YIF1B: variants seen among roughly 807,000 people sequenced by gnomAD.
YIF1B encodes Yip1 interacting factor homolog B, membrane trafficking protein, also known as protein YIF1B.
YIF1B carries 24 observed loss-of-function variants against 34.6 expected under a neutral mutation model. The ratio of observed to expected loss-of-function variants is 0.69; its 90% CI spans 0.50 to 0.98. The LOEUF is 0.98. Ranked by LOEUF, YIF1B falls within the 50% of genes least tolerant of loss-of-function variation. The pLI, the probability that YIF1B is intolerant of heterozygous loss-of-function variation, is 0.00. For synonymous variants in YIF1B, 186 were observed against 184.8 expected, an observed-to-expected ratio of 1.01 and a Z score of -0.05; for missense variants, 368 against 429.4, an observed-to-expected ratio of 0.86 and a Z score of 1.26.
rs1218461246 is a variant in YIF1B at position 38,305,077 on chromosome 19, G to A, written c.*275C>T. 4.0e-6 allele frequency: 6 copies of A among 1,506,302 alleles called. No homozygotes were observed. Among genetic ancestry groups the A allele is most frequent in the East Asian group, 4.9e-5 (2 of 40,490 alleles). 93.3% of individuals were successfully genotyped at this position (1,506,302 alleles called of 1,614,324 possible). A position where few individuals can be genotyped will look rare whatever the true frequency, so the allele number is the denominator to read the frequency against. On this transcript the variant is annotated 3_prime_UTR_variant, in exon 8 of 8. Transcript: ENST00000339413. ...CTGCCCCCTGCCCAGCGCTGGGCCC[G>A]CCCATTCGTGCGCGAGGCCAAGGAG...
chr19:38,316,405 C>T (rs1451471707), upstream of YIF1B, among the ~76,000 whole-genome samples: 2 of 151,878 alleles, frequency 1.3e-5, no homozygotes, highest in Non-Finnish European at 2.9e-5. Flanking sequence ...CCTGTAATCT[C>T]AGCACTTTGG....
In YIF1B at chr19:38,305,156, G is replaced by A; in HGVS notation, c.*196C>T. On this transcript the variant is annotated 3_prime_UTR_variant, in exon 8 of 8. Transcript: ENST00000339413. Reference sequence around the variant, plus strand: ...TTATTGTTTCTGTAACAGCGGCCACGCCCTGGGGCGGTGGCCTGTGCAGCT... The same window carrying A: ...TTATTGTTTCTGTAACAGCGGCCACACCCTGGGGCGGTGGCCTGTGCAGCT... The A allele has an allele frequency of 1.4e-6, 2 of 1,382,328 alleles. No individual in the cohort carries two copies. Among genetic ancestry groups the A allele is most frequent in the South Asian group, 1.5e-5 (1 of 66,750 alleles). The allele number at this position is 1,382,328 out of a possible 1,614,324, so 85.6% of individuals were successfully genotyped here.
At chr19:38,307,403 C>T (rs754093428) in intron 7 of YIF1B, 25 bp downstream of exon 7, 1 of 1,612,694 alleles carries the variant, frequency 6.2e-7, no homozygotes, top group Non-Finnish European at 8.5e-7. Context: ...GTGCCTCAGC[C>T]TCACCAGCCC....
chr19:38,315,201 C>A (rs572463954), intron 1 of YIF1B, among the ~76,000 whole-genome samples: 11 of 150,368 alleles, frequency 7.3e-5, no homozygotes, highest in African/African-American at 2.7e-4. Flanking sequence ...CCTGAGATCG[C>A]GCCATTGCAC....
chr19:38,306,713 G>T, intron 7 of YIF1B: 1 of 226,214 alleles, frequency 4.4e-6, no homozygotes, highest in Non-Finnish European at 9.0e-6. Flanking sequence ...ACGGAGTCTC[G>T]CTCTGTCACC....
intron 4 of YIF1B, 21 bp from the exon 5 acceptor site, chr19:38,308,870 G>A (rs182719885): frequency 6.2e-7 from 1 of 1,613,906 alleles, no homozygotes; most frequent in Admixed American, 1.7e-5. Context: ...CAGACACACA[G>A]ACACTGGTCA....
chr19:38,315,512 G>C, intron 1 of YIF1B: 1 of 1,396,142 alleles, frequency 7.2e-7, no homozygotes, highest in South Asian at 1.6e-5. Context: ...CTGCGCTCCC[G>C]GGGGGCCACG....
intron 1 of YIF1B, among the ~76,000 whole-genome samples, chr19:38,311,603 G>C (rs976448046): frequency 5.3e-5 from 8 of 151,934 alleles, no homozygotes; most frequent in Non-Finnish European, 1.2e-4. Context: ...GGTTTCAAAA[G>C]TTTTTAAAAG....
intron 1 of YIF1B, among the ~76,000 whole-genome samples, chr19:38,313,022 G>A (rs1268789301): frequency 6.6e-6 from 1 of 151,942 alleles, no homozygotes; most frequent in Non-Finnish European, 1.5e-5. Context: ...TGCGATCTCG[G>A]CTCACCACAA....
upstream of YIF1B, among the ~76,000 whole-genome samples, chr19:38,317,835 C>A (rs142110790): frequency 6.6e-6 from 1 of 151,204 alleles, no homozygotes; most frequent in Non-Finnish European, 1.5e-5. Context: ...CTGCCTTGGC[C>A]TCCCAAAGCA....
At chr19:38,313,573 T>A (rs1969413568) in intron 1 of YIF1B, among the ~76,000 whole-genome samples, 1 of 152,226 alleles carries the variant, frequency 6.6e-6, no homozygotes, top group African/African-American at 2.4e-5. Flanking sequence ...GTGATCTTTT[T>A]AAATACAAAT....
Position 38,305,166 on chromosome 19 carries a change from G to A in YIF1B, c.*186C>T. 6.6e-6 allele frequency: 9 copies of A among 1,370,764 alleles called. No homozygotes were observed. Among genetic ancestry groups the A allele is most frequent in the Admixed American group, 2.7e-5 (1 of 36,436 alleles). The allele number at this position is 1,370,764 out of a possible 1,614,324, so 84.9% of individuals were successfully genotyped here. On this transcript the variant is annotated 3_prime_UTR_variant, in exon 8 of 8. Coordinates refer to ENST00000339413, the MANE Select transcript of YIF1B (RefSeq NM_001039672.3). ...TGTAACAGCGGCCACGCCCTGGGGC[G>A]GTGGCCTGTGCAGCTGGAGATCTCT...
chr19:38,315,425 G>T, intron 1 of YIF1B: 2 of 1,285,778 alleles, frequency 1.6e-6, no homozygotes, highest in Non-Finnish European at 2.0e-6. Flanking sequence ...GCACACTCAC[G>T]GAGATGAAGA....
At position 38,303,628 on chromosome 19, in the gene YIF1B, C is replaced by G. The variant is rs1968858230; in HGVS notation, c.*1724G>C. Among the ~76,000 whole-genome samples the G allele has an allele frequency of 6.6e-6, 1 of 152,206 alleles. No homozygotes were observed. Among genetic ancestry groups the G allele is most frequent in the Non-Finnish European group, 1.5e-5 (1 of 68,046 alleles). ...CATTATCAGTACTTCATGCCAGACA[C>G]CATTCTAGGAAATTAACTCCTCTGA... On this transcript the variant is annotated 3_prime_UTR_variant, in exon 8 of 8. Coordinates refer to ENST00000339413, the MANE Select transcript of YIF1B (RefSeq NM_001039672.3).
rs1437025114 is a variant in YIF1B, at chr19:38,305,271, G to A, written c.*81C>T. 15 of 1,531,692 alleles carry A rather than the reference G, an allele frequency of 9.8e-6. No homozygotes were observed. The highest frequency in any genetic ancestry group is 8.8e-7 in the Non-Finnish European group (1 of 1,138,136). The allele number at this position is 1,531,692 out of a possible 1,614,324, so 94.9% of individuals were successfully genotyped here. A position where few individuals can be genotyped will look rare whatever the true frequency, so the allele number is the denominator to read the frequency against. ...TGTGGCCAGACAGGGTGGACCTTGG[G>A]GCCTGCAGGCAGGAGATGAGTTCGG... On this transcript the variant is annotated 3_prime_UTR_variant, in exon 8 of 8. Transcript: ENST00000339413.
chr19:38,310,673 C>G lies in YIF1B; in HGVS notation c.59-1030G>C, dbSNP rs552547819. On this transcript the variant is annotated intron_variant, in intron 1 of 7. Coordinates refer to ENST00000339413, the MANE Select transcript of YIF1B (RefSeq NM_001039672.3). ...GCTGTCCATATCTCCTATGCTCCCC[C>G]TCAATGACTTGGCTCCAGCCACCTG... Among the ~76,000 whole-genome samples the G allele has an allele frequency of 1.2e-4, 18 of 152,278 alleles. No individual in the cohort carries two copies. The Middle Eastern group carries it at 0.01, about 87-fold the overall frequency.
At position 38,304,797 on chromosome 19, in the gene YIF1B, C is replaced by T. The variant is rs747733072; in HGVS notation, c.*555G>A. The stretch of plus-strand genomic sequence containing the variant: ...GGGAGTGGTCCCCCTGTCTCGCTTC[C>T]AGCCCAGAACCATCTCTTCTCTCCC... On this transcript the variant is annotated 3_prime_UTR_variant, in exon 8 of 8. Coordinates refer to ENST00000339413, the MANE Select transcript of YIF1B (RefSeq NM_001039672.3). 1 of 1,613,100 alleles carries T rather than the reference C, an allele frequency of 6.2e-7. No homozygotes were observed. Among genetic ancestry groups the T allele is most frequent in the Non-Finnish European group, 8.5e-7 (1 of 1,179,650 alleles).
intron 1 of YIF1B, among the ~76,000 whole-genome samples, chr19:38,314,721 C>T (rs905994993): frequency 7.0e-6 from 1 of 142,524 alleles, no homozygotes; most frequent in Non-Finnish European, 1.5e-5. Flanking sequence ...TCAAGTGATT[C>T]TCAAGCCTCA....
At chr19:38,317,220 C>G (rs1269765553), upstream of YIF1B, 1 of 152,398 alleles carries the variant, frequency 6.6e-6, no homozygotes, top group Non-Finnish European at 1.5e-5. Context: ...AGTCTCCCCC[C>G]TTCTCTCCCT....
Sources: gnomAD v4.1 joint callset for allele counts (sites outside exome capture counted in the v4.1 genomes callset) on GRCh38, gnomAD v4.1.1 for gene constraint, MANE v1.5 for transcripts, NCBI Gene and HGNC (gene_info 2026-07-23, HGNC 2026-07-21) for gene names.